Variants in SRPK2 observed in about 807,000 individuals in gnomAD.
SRPK2 encodes SFRS protein kinase 2.
A neutral mutation model predicts 90.8 loss-of-function variants in SRPK2; 21 were observed. The observed-to-expected ratio is 0.23, with a 90% CI of 0.16 to 0.33. The LOEUF (loss-of-function observed/expected upper bound fraction) is 0.33. Ranked by LOEUF, SRPK2 falls within the 10% of genes least tolerant of loss-of-function variation. The probability of loss-of-function intolerance (pLI) is 1.00; values close to 1 mark genes in which losing one functional copy is unlikely to be tolerated. For synonymous variants in SRPK2, 288 were observed against 311.1 expected (o/e 0.93, Z 0.78); for missense variants, 620 against 869.0 (o/e 0.71, Z 3.60).
At chr7:105,336,307 A>G (rs187123113) in intron 2 of SRPK2, among the ~76,000 whole-genome samples, 8 of 152,306 alleles carry the variant, frequency 5.3e-5, no homozygotes, top group Non-Finnish European at 8.8e-5. Flanking sequence ...TTACCTCACA[A>G]AATGGTGGCT....
rs570432000 is a variant in SRPK2 at position 105,173,967 on chromosome 7, G to A, written c.230-4702C>T. On this transcript the variant is annotated intron_variant, in intron 3 of 15. Transcript: ENST00000393651. ...CTGCTTAAAAAAACAAATCTTAGCC[G>A]GGTGCAGTGGCTCACACCTGTAATC... 2.7e-4 allele frequency among the ~76,000 whole-genome samples: 39 copies of A among 144,780 alleles called. 1 individual carries two copies. Among genetic ancestry groups the A allele is most frequent in the South Asian group, 6.5e-4 (3 of 4,592 alleles). The allele number at this position is 144,780 out of a possible 152,430, so 95.0% of individuals were successfully genotyped here.
At chr7:105,393,821 T>C (rs1490862621), upstream of SRPK2, among the ~76,000 whole-genome samples, 1 of 152,062 alleles carries the variant, frequency 6.6e-6, no homozygotes, top group Non-Finnish European at 1.5e-5. Context: ...TTCAGCATTT[T>C]GGGAGGCTAA....
chr7:105,327,738 C>T (rs1813756536), intron 2 of SRPK2, among the ~76,000 whole-genome samples: 1 of 152,250 alleles, frequency 6.6e-6, no homozygotes, highest in East Asian at 1.9e-4. Flanking sequence ...AATGAAAGAA[C>T]ACAAGATACT....
intron 3 of SRPK2, among the ~76,000 whole-genome samples, chr7:105,184,959 G>T (rs1793383672): frequency 6.6e-6 from 1 of 152,022 alleles, no homozygotes; most frequent in Non-Finnish European, 1.5e-5. Context: ...GGCAAAGGAG[G>T]AGTAGACATT....
At chr7:105,174,358 C>A (rs1235002406) in intron 3 of SRPK2, among the ~76,000 whole-genome samples, 1 of 152,044 alleles carries the variant, frequency 6.6e-6, no homozygotes, top group African/African-American at 2.4e-5. Context: ...ATGGAGTTAA[C>A]CAGAAGTTCA....
At chr7:105,308,709 G>A in intron 2 of SRPK2, among the ~76,000 whole-genome samples, 1 of 152,138 alleles carries the variant, frequency 6.6e-6, no homozygotes, top group East Asian at 1.9e-4. Flanking sequence ...CCTACAGAGA[G>A]CTATGAGACT....
Position 105,159,463 on chromosome 7 carries a change from A to AC in SRPK2, c.621+1043_621+1044insG, listed in dbSNP as rs1563005786. Among the ~76,000 whole-genome samples the AC allele has an allele frequency of 7.4e-4, 109 of 146,548 alleles. 1 individual carries two copies. Among genetic ancestry groups the AC allele is most frequent in the African/African-American group, 2.5e-3 (98 of 38,812 alleles). On this transcript the variant is annotated intron_variant, in intron 7 of 15. Coordinates refer to ENST00000393651, the MANE Select transcript of SRPK2 (RefSeq NM_182692.3). Reference sequence around the variant, plus strand: ...ACTCCGTCTCCAAAAAAAAAAAAAAAAAAAAAAAAACCGTACAAAAGGAAG... The same window carrying AC: ...ACTCCGTCTCCAAAAAAAAAAAAAAACAAAAAAAAAACCGTACAAAAGGAAG...
chr7:105,373,290 G>A (rs1032797475), intron 2 of SRPK2, among the ~76,000 whole-genome samples: 11 of 150,856 alleles, frequency 7.3e-5, no homozygotes, highest in African/African-American at 2.7e-4. Context: ...ATAAACAAAC[G>A]TAATAAATTT....
intron 2 of SRPK2, among the ~76,000 whole-genome samples, chr7:105,207,477 G>A (rs992477254): frequency 5.9e-5 from 9 of 152,110 alleles, no homozygotes; most frequent in Admixed American, 1.3e-4. Flanking sequence ...AAAGCCGTAA[G>A]GAAGCTATTT....
At chr7:105,243,262 C>G (rs987465218) in intron 2 of SRPK2, among the ~76,000 whole-genome samples, 1 of 152,154 alleles carries the variant, frequency 6.6e-6, no homozygotes, top group Non-Finnish European at 1.5e-5. Flanking sequence ...CATCAGCCTC[C>G]CAAAGTGCAG....
At chr7:105,253,753 T>A (rs536324459) in intron 2 of SRPK2, among the ~76,000 whole-genome samples, 1 of 152,298 alleles carries the variant, frequency 6.6e-6, no homozygotes. Flanking sequence ...TAGAACTGTC[T>A]TAGAAGGGGA....
chr7:105,393,527 G>T (rs1822238722), upstream of SRPK2, among the ~76,000 whole-genome samples: 1 of 110,274 alleles, frequency 9.1e-6, no homozygotes, highest in African/African-American at 3.5e-5. Context: ...CTTTGTTTCT[G>T]GCTTGTTTTT....
chr7:105,173,575 G>C (rs1791429598), intron 3 of SRPK2, among the ~76,000 whole-genome samples: 1 of 152,138 alleles, frequency 6.6e-6, no homozygotes, highest in Admixed American at 6.6e-5. Context: ...AACTCCACCA[G>C]AAATGACCCC....
intron 2 of SRPK2, among the ~76,000 whole-genome samples, chr7:105,337,539 TCCTGACCTCAGGTGATCCACCCACCTC>T: frequency 1.3e-5 from 2 of 151,890 alleles, no homozygotes; most frequent in African/African-American, 4.8e-5. Context: ...GGTCTCAAAC[TCCTGACCTCAGGTGATCCACCCACCTC>T]AGCCTCCCAA....
rs966484823 is a variant in SRPK2, at chr7:105,288,291, ATAAG to A, written c.72-84510_72-84507del. ...AAATCACTGAACTTAAAATAAATAA[ATAAG>A]TAAGTAAACAAACAAACAAGGCCAG... is the stretch of plus-strand genomic sequence containing the variant. On this transcript the variant is annotated intron_variant, in intron 2 of 15. Transcript: ENST00000393651. Among the ~76,000 whole-genome samples the A allele has an allele frequency of 1.0e-3, 159 of 152,248 alleles. 1 individual carries two copies. The highest frequency in any genetic ancestry group is 3.5e-3 in the African/African-American group (147 of 41,530).
chr7:105,362,326 G>C (rs1365833534), intron 2 of SRPK2, among the ~76,000 whole-genome samples: 1 of 151,916 alleles, frequency 6.6e-6, no homozygotes, highest in Non-Finnish European at 1.5e-5. Context: ...GTCAGGAAAT[G>C]GCCGGGCGCG....
chr7:105,126,818 G>T lies in SRPK2; in HGVS notation c.1822+175C>A, dbSNP rs114930756. On this transcript the variant is annotated intron_variant, in intron 14 of 15. Transcript: ENST00000393651. ...CTGGAGTGCTGCCTGTGCTAGGCAG[G>T]CTCTGCCCATTCACTGAGACTGAGG... 8.3e-3 allele frequency among the ~76,000 whole-genome samples: 1,270 copies of T among 152,316 alleles called. 18 individuals are homozygous for T. Among genetic ancestry groups the T allele is most frequent in the African/African-American group, 0.029 (1,212 of 41,556 alleles).
intron 15 of SRPK2, among the ~76,000 whole-genome samples, chr7:105,120,368 G>T (rs145789759): frequency 2.6e-5 from 4 of 152,292 alleles, no homozygotes; most frequent in Non-Finnish European, 5.9e-5. Context: ...AATCTTCCAT[G>T]AAAAGAGAAG....
intron 2 of SRPK2, among the ~76,000 whole-genome samples, chr7:105,386,131 G>A (rs1047373784): frequency 6.6e-5 from 10 of 151,388 alleles, no homozygotes; most frequent in Admixed American, 1.3e-4. Context: ...TGGCTAACAC[G>A]GTGAAACCCC....
Sources: gnomAD v4.1 joint callset for allele counts (sites outside exome capture counted in the v4.1 genomes callset) on GRCh38, gnomAD v4.1.1 for gene constraint, MANE v1.5 for transcripts, NCBI Gene and HGNC (gene_info 2026-07-23, HGNC 2026-07-21) for gene names.